REEP5: variants seen among roughly 807,000 people sequenced by gnomAD.
REEP5 encodes the protein receptor accessory protein 5, also known as receptor expression-enhancing protein 5.
A neutral mutation model predicts 22.4 loss-of-function variants in REEP5; 24 were observed. The ratio of observed to expected loss-of-function variants is 1.07; its 90% CI spans 0.78 to 1.51. The LOEUF (loss-of-function observed/expected upper bound fraction) is 1.51, where lower values mean the gene tolerates loss of function less well. REEP5 is among the 40% of genes most tolerant of loss of function. The pLI, the probability that REEP5 is intolerant of heterozygous loss-of-function variation, is 0.00. For synonymous variants in REEP5, 103 were observed against 88.6 expected, an observed-to-expected ratio of 1.16 and a Z score of -0.92; for missense variants, 252 against 233.0, an observed-to-expected ratio of 1.08 and a Z score of -0.53.
intron 3 of REEP5, chr5:112,895,281 T>C (rs1334047178): frequency 1.3e-5 from 2 of 148,314 alleles, no homozygotes; most frequent in Non-Finnish European, 3.0e-5. Flanking sequence ...GGGTGTGTTT[T>C]ATGACTTTAG....
At chr5:112,908,818 G>A (rs1418823276) in intron 2 of REEP5, among the ~76,000 whole-genome samples, 1 of 151,216 alleles carries the variant, frequency 6.6e-6, no homozygotes, top group African/African-American at 2.4e-5. Flanking sequence ...GCCTCCCAAA[G>A]TGCTGGGATT....
At chr5:112,887,264 C>A in intron 3 of REEP5, 81 bp from the exon 4 acceptor site, 1 of 1,289,578 alleles carries the variant, frequency 7.8e-7, no homozygotes, top group Non-Finnish European at 1.0e-6. Flanking sequence ...TTTCACTACT[C>A]TGGGGATGGG....
rs149233340 is a variant in REEP5, at chr5:112,882,097, A to G, written c.521-3262T>C. ...ACTACTCCTATTTTAATTATTGATG[A>G]TTTTAATATCCATGTAGACATATGT... On this transcript the variant is annotated intron_variant, in intron 4 of 4. Transcript: ENST00000379638. The G allele has an allele frequency of 4.5e-3, 694 of 153,980 alleles. 3 individuals carry two copies. The highest frequency in any genetic ancestry group is 0.015 in the Middle Eastern group (26 of 1,702). 9.5% of individuals were successfully genotyped at this position (153,980 alleles called of 1,614,324 possible).
rs1308351435 is a variant in REEP5 at position 112,877,230 on chromosome 5, T to TAATA, written c.*1552_*1555dup. ...TACTGTCACTTAGTATTGATATCTT[T>TAATA]AATATTTTTTACATCATGAGACATT... On this transcript the variant is annotated 3_prime_UTR_variant, in exon 5 of 5. Transcript: ENST00000379638. 1.3e-5 allele frequency: 2 copies of TAATA among 152,232 alleles called. No homozygotes were observed. The highest frequency in any genetic ancestry group is 2.9e-5 in the Non-Finnish European group (2 of 68,032). 9.4% of individuals were successfully genotyped at this position (152,232 alleles called of 1,614,324 possible).
At position 112,878,414 on chromosome 5, in the gene REEP5, A is replaced by G. The variant is rs891094321; in HGVS notation, c.*372T>C. On this transcript the variant is annotated 3_prime_UTR_variant, in exon 5 of 5. Transcript: ENST00000379638. ...TACATTACAGGAAGTAGAACCATAAAGATTATCCTAAATGTAACTACAGAG... is the reference window on the plus strand; with the variant it reads ...TACATTACAGGAAGTAGAACCATAAGGATTATCCTAAATGTAACTACAGAG... 3 of 202,024 alleles carry G rather than the reference A, an allele frequency of 1.5e-5. No individual in the cohort carries two copies. In the South Asian group the frequency reaches 4.3e-4, roughly 29 times the overall value. 12.5% of individuals were successfully genotyped at this position (202,024 alleles called of 1,614,324 possible).
chr5:112,881,089 A>G (rs147675633), intron 4 of REEP5, among the ~76,000 whole-genome samples: 55 of 134,802 alleles, frequency 4.1e-4, no homozygotes, highest in South Asian at 2.6e-3. Context: ...AGATCATGCT[A>G]CTGCACTCCA....
chr5:112,921,724 G>A, intron 1 of REEP5: 2 of 235,358 alleles, frequency 8.5e-6, no homozygotes, highest in South Asian at 7.0e-5. Flanking sequence ...GGGTACCTCC[G>A]TCAACGCGCC....
At chr5:112,922,013 C>T in intron 1 of REEP5, 60 bp downstream of exon 1, 2 of 1,544,766 alleles carry the variant, frequency 1.3e-6, no homozygotes, top group South Asian at 1.2e-5. Context: ...CCTTCCCCAG[C>T]AGCTGGGGCA....
chr5:112,891,996 G>T (rs1036674405), intron 3 of REEP5: 1 of 1,267,936 alleles, frequency 7.9e-7, no homozygotes, highest in African/African-American at 1.5e-5. Flanking sequence ...GGAAAGAACA[G>T]CAGAGGAAAG....
At chr5:112,897,264 A>G (rs1427457122) in intron 3 of REEP5, 1 of 151,878 alleles carries the variant, frequency 6.6e-6, no homozygotes, top group East Asian at 1.9e-4. Context: ...ACAGACCAAT[A>G]TATTTGCACA....
chr5:112,887,860 A>AT (rs1768308162), intron 3 of REEP5, among the ~76,000 whole-genome samples: 2 of 152,150 alleles, frequency 1.3e-5, no homozygotes, highest in South Asian at 4.1e-4. Flanking sequence ...TGTCCAAAAA[A>AT]TTTTTACTGT....
intron 4 of REEP5, among the ~76,000 whole-genome samples, chr5:112,879,416 A>T (rs1768001117): frequency 6.6e-6 from 1 of 152,116 alleles, no homozygotes; most frequent in Admixed American, 6.6e-5. Context: ...AAGCCCTTAA[A>T]TAGAATGGCA....
chr5:112,905,747 AGTAG>A (rs1768944782), intron 2 of REEP5, among the ~76,000 whole-genome samples: 1 of 151,890 alleles, frequency 6.6e-6, no homozygotes, highest in Admixed American at 6.5e-5. Flanking sequence ...CAGCCTCTCC[AGTAG>A]CTGGGACTAC....
chr5:112,894,036 G>C (rs1326024779), intron 3 of REEP5: 5 of 151,936 alleles, frequency 3.3e-5, no homozygotes, highest in African/African-American at 1.2e-4. Flanking sequence ...CATAGTGCCA[G>C]TTAATTACAG....
rs981127242 is a variant in REEP5, at chr5:112,878,648, C to A, written c.*138G>T. On this transcript the variant is annotated 3_prime_UTR_variant, in exon 5 of 5. Transcript: ENST00000379638. The stretch of plus-strand genomic sequence containing the variant: ...CAGTAAAAGTAAGCAAAGAAACTTA[C>A]AACACATTCCAATCTTTAATATCTC... 17 of 1,258,952 alleles carry A rather than the reference C, an allele frequency of 1.4e-5. No individual in the cohort carries two copies. The African/African-American group carries it at 1.5e-4, about 11-fold the overall frequency. 78.0% of individuals were successfully genotyped at this position (1,258,952 alleles called of 1,614,324 possible).
rs1338729815 is a variant in REEP5, at chr5:112,887,778, C to T, written c.352-595G>A. On this transcript the variant is annotated intron_variant, in intron 3 of 4. Coordinates refer to ENST00000379638, the MANE Select transcript of REEP5 (RefSeq NM_005669.5). Reference sequence around the variant, plus strand: ...TCCTAACTCCTTCTTTACAGCTCTACTTTGCCATTGAGATTTTTTTTTAAT... The same window carrying T: ...TCCTAACTCCTTCTTTACAGCTCTATTTTGCCATTGAGATTTTTTTTTAAT... Among the ~76,000 whole-genome samples, 3 of 152,212 alleles carry T rather than the reference C, an allele frequency of 2.0e-5. No individual in the cohort carries two copies. The Middle Eastern group carries it at 0.01, about 518-fold the overall frequency.
chr5:112,912,491 G>T (rs1769126620), intron 2 of REEP5, among the ~76,000 whole-genome samples: 1 of 151,992 alleles, frequency 6.6e-6, no homozygotes, highest in African/African-American at 2.4e-5. Context: ...CATATATATG[G>T]ATAAAAAGCT....
intron 1 of REEP5, chr5:112,921,846 G>C (rs1366117887): frequency 2.3e-6 from 1 of 429,676 alleles, no homozygotes; most frequent in Non-Finnish European, 4.1e-6. Flanking sequence ...CCAGCGCCCG[G>C]CGCCGCAGCT....
Position 112,920,142 on chromosome 5 carries a change from C to A in REEP5, c.212+1021G>T, listed in dbSNP as rs181659130. Among the ~76,000 whole-genome samples the A allele has an allele frequency of 4.8e-3, 729 of 152,288 alleles. 7 individuals carry two copies. The highest frequency in any genetic ancestry group is 3.0e-3 in the Non-Finnish European group (204 of 68,028). ...TCTGGAGTATGACTAAGTGTCTGTA[C>A]CGGACTAACACAGTAACAACTACTA... On this transcript the variant is annotated intron_variant, in intron 2 of 4. Transcript: ENST00000379638.
Sources: allele counts gnomAD v4.1 joint callset (sites outside exome capture counted in the v4.1 genomes callset), GRCh38; gene constraint gnomAD v4.1.1; transcripts MANE v1.5; gene names NCBI Gene and HGNC (gene_info 2026-07-23, HGNC 2026-07-21).